CDH7: variants seen among roughly 807,000 people sequenced by gnomAD.
The protein encoded by CDH7 is cadherin 7.
Under a neutral mutation model 71.8 loss-of-function variants are expected in CDH7, and 25 were observed. That is an observed-to-expected ratio of 0.35 (90% CI 0.25 to 0.49). The LOEUF is 0.49. CDH7 is among the 20% of genes least tolerant of loss of function. The pLI is 0.99. For missense variants in CDH7, 862 were observed against 974.6 expected (o/e 0.88, Z 1.54); for synonymous variants, 381 against 363.8 (o/e 1.05, Z -0.54).
In CDH7 at chr18:65,886,252, G is replaced by A. The variant is rs571240740; in HGVS notation, c.*5358G>A. 1.4e-4 allele frequency: 22 copies of A among 152,238 alleles called. No homozygotes were observed. In the South Asian group the frequency reaches 4.6e-3, roughly 32 times the overall value. The allele number at this position is 152,238 out of a possible 1,614,324, so 9.4% of individuals were successfully genotyped here. On this transcript the variant is annotated 3_prime_UTR_variant, in exon 12 of 12. Transcript: ENST00000397968. Reference sequence around the variant, plus strand: ...TAAAGCTTTATTATGGGAAATAATGGGAATTATATAAAAAGGTTGATAATT... The same window carrying A: ...TAAAGCTTTATTATGGGAAATAATGAGAATTATATAAAAAGGTTGATAATT...
At chr18:65,820,663 A>C (rs1030147803) in intron 4 of CDH7, among the ~76,000 whole-genome samples, 12 of 152,150 alleles carry the variant, frequency 7.9e-5, no homozygotes, top group African/African-American at 2.9e-4. Flanking sequence ...ATTGATTTGC[A>C]AACTTTGTGA....
intron 2 of CDH7, among the ~76,000 whole-genome samples, chr18:65,783,949 T>TTTTA (rs368176137): frequency 0.02 from 2,983 of 151,764 alleles, 96 homozygotes; most frequent in African/African-American, 0.068. Flanking sequence ...ATGATTTTTA[T>TTTTA]TTTATTTATT....
chr18:65,844,174 GATATATAT>G, intron 7 of CDH7, 109 bp downstream of exon 7: 1 of 220,090 alleles, frequency 4.5e-6, no homozygotes, highest in Non-Finnish European at 8.3e-6. Context: ...ATAAAAACCA[GATATATAT>G]ATATATCGAG....
chr18:65,880,596 C>T lies in CDH7; in HGVS notation c.2060C>T (p.Thr687Ile), dbSNP rs1408409510. The change falls in exon 12 of 12, where the codon ACT becomes ATT. Residue 687 changes from threonine (T) to isoleucine (I), a missense_variant. Physicochemically the swap from Thr to Ile is moderately conservative, Grantham distance 89 (BLOSUM62 -1). Coordinates refer to ENST00000397968, the MANE Select transcript of CDH7 (RefSeq NM_004361.5). The part of the protein sequence containing the change: ...IRDTKTRRDV[T>I]PEIQFLSRPA... ...GACACCAAGACCCGGAGGGATGTGA[C>T]TCCAGAAATTCAATTCCTGAGTCGA... 1.4e-5 allele frequency: 23 copies of T among 1,613,730 alleles called. No homozygotes were observed. The highest frequency in any genetic ancestry group is 1.8e-5 in the Non-Finnish European group (21 of 1,179,962).
At chr18:65,769,631 A>G (rs539919065) in intron 2 of CDH7, among the ~76,000 whole-genome samples, 1 of 152,326 alleles carries the variant, frequency 6.6e-6, no homozygotes, top group East Asian at 1.9e-4. Context: ...TGTTTCTGGC[A>G]GGAACCAGTT....
chr18:65,888,351 A>C lies in CDH7; in HGVS notation c.*7457A>C, dbSNP rs1374888551. 1 of 152,156 alleles carries C rather than the reference A, an allele frequency of 6.6e-6. No individual in the cohort carries two copies. The highest frequency in any genetic ancestry group is 6.5e-5 in the Admixed American group (1 of 15,270). The allele number at this position is 152,156 out of a possible 1,614,324, so 9.4% of individuals were successfully genotyped here. ...CTGTATTTTTAAAAAATAAGAAAAA[A>C]TTATCACAGAGTAAGATACATAGAA... On this transcript the variant is annotated 3_prime_UTR_variant, in exon 12 of 12. Coordinates refer to ENST00000397968, the MANE Select transcript of CDH7 (RefSeq NM_004361.5).
intron 11 of CDH7, among the ~76,000 whole-genome samples, chr18:65,864,643 C>G (rs1031957380): frequency 6.6e-6 from 1 of 151,814 alleles, no homozygotes; most frequent in Non-Finnish European, 1.5e-5. Context: ...AATCCCAGCA[C>G]TTTGGGAGGC....
intron 5 of CDH7, 72 bp downstream of exon 5, chr18:65,822,320 G>A: frequency 8.0e-7 from 1 of 1,256,394 alleles, no homozygotes; most frequent in Non-Finnish European, 1.1e-6. Flanking sequence ...TCTTTAAAAT[G>A]ACTTTTTTTC....
chr18:65,797,577 T>C (rs963628066), intron 2 of CDH7, among the ~76,000 whole-genome samples: 1 of 152,134 alleles, frequency 6.6e-6, no homozygotes, highest in Non-Finnish European at 1.5e-5. Context: ...CAGAGTATAG[T>C]CTTATTATTC....
intron 11 of CDH7, among the ~76,000 whole-genome samples, chr18:65,871,800 A>G (rs748163784): frequency 6.6e-6 from 1 of 152,214 alleles, no homozygotes; most frequent in Non-Finnish European, 1.5e-5. Context: ...CATTTTGAAC[A>G]TTTATTATAT....
chr18:65,811,455 T>A (rs1391449744), intron 3 of CDH7, among the ~76,000 whole-genome samples: 1 of 152,148 alleles, frequency 6.6e-6, no homozygotes, highest in Non-Finnish European at 1.5e-5. Flanking sequence ...AGTGGCATGA[T>A]CTTACTATAA....
chr18:65,818,421 G>A (rs1911798962), intron 4 of CDH7, among the ~76,000 whole-genome samples: 2 of 152,120 alleles, frequency 1.3e-5, no homozygotes, highest in Admixed American at 1.3e-4. Flanking sequence ...GTCAGAATGT[G>A]CATGGGGGAG....
intron 11 of CDH7, among the ~76,000 whole-genome samples, chr18:65,870,344 T>C (rs1366501008): frequency 1.3e-5 from 2 of 152,194 alleles, no homozygotes; most frequent in African/African-American, 4.8e-5. Context: ...GTAAATCCAC[T>C]CATCCTTCAG....
At chr18:65,755,209 A>C (rs1436620552) in intron 1 of CDH7, among the ~76,000 whole-genome samples, 1 of 152,228 alleles carries the variant, frequency 6.6e-6, no homozygotes, top group East Asian at 1.9e-4. Flanking sequence ...TACTCATTAC[A>C]TACAGTTATG....
At chr18:65,871,597 C>G (rs1913929281) in intron 11 of CDH7, among the ~76,000 whole-genome samples, 1 of 152,050 alleles carries the variant, frequency 6.6e-6, no homozygotes, top group African/African-American at 2.4e-5. Context: ...AAGGTGGAGT[C>G]ACAGATGACT....
intron 2 of CDH7, among the ~76,000 whole-genome samples, chr18:65,787,904 A>G (rs897231809): frequency 2.0e-5 from 3 of 152,068 alleles, no homozygotes; most frequent in Admixed American, 6.5e-5. Context: ...GAAATTTAAG[A>G]GAAAGCGAGT....
chr18:65,810,422 G>A (rs762831929), intron 3 of CDH7, among the ~76,000 whole-genome samples: 1 of 152,002 alleles, frequency 6.6e-6, no homozygotes, highest in Non-Finnish European at 1.5e-5. Context: ...TCTCTCTATG[G>A]CCAATGTATC....
chr18:65,782,028 CCCTTCCTT>C lies in CDH7; in HGVS notation c.210+19005_210+19012del, dbSNP rs200389546. Among the ~76,000 whole-genome samples the C allele has an allele frequency of 8.6e-4, 29 of 33,594 alleles. 3 individuals carry two copies. The highest frequency in any genetic ancestry group is 0.024 in the Middle Eastern group (1 of 42). The allele number at this position is 33,594 out of a possible 152,430, so 22.0% of individuals were successfully genotyped here. A position where few individuals can be genotyped will look rare whatever the true frequency, so the allele number is the denominator to read the frequency against. On this transcript the variant is annotated intron_variant, in intron 2 of 11. Transcript: ENST00000397968. ...TTTCTCTCTTTCTCTCTCTCTTTCT[CCCTTCCTT>C]CCTTCCTTCCTTCCTTCCTTCCTTC... is the stretch of plus-strand genomic sequence containing the variant.
At chr18:65,792,604 T>C (rs749925210) in intron 2 of CDH7, among the ~76,000 whole-genome samples, 9 of 152,244 alleles carry the variant, frequency 5.9e-5, no homozygotes, top group Non-Finnish European at 1.0e-4. Context: ...TTTTCAGCTT[T>C]TTTGCTTTTT....
Sources: gnomAD v4.1 joint callset for allele counts (sites outside exome capture counted in the v4.1 genomes callset) on GRCh38, gnomAD v4.1.1 for gene constraint, MANE v1.5 for transcripts, NCBI Gene and HGNC (gene_info 2026-07-23, HGNC 2026-07-21) for gene names.